ARID4A: variants seen among roughly 807,000 people sequenced by gnomAD.
The protein encoded by ARID4A is AT-rich interactive domain-containing protein 4A.
Under a neutral mutation model 148.6 loss-of-function variants are expected in ARID4A, and 39 were observed. The ratio of observed to expected loss-of-function variants is 0.26; its 90% CI spans 0.20 to 0.34. The LOEUF (loss-of-function observed/expected upper bound fraction) is 0.34, where lower values mean the gene tolerates loss of function less well. Ranked by LOEUF, ARID4A falls within the 10% of genes least tolerant of loss-of-function variation. ARID4A has a pLI of 1.00. For missense variants in ARID4A, 1,265 were observed against 1,449.1 expected, an observed-to-expected ratio of 0.87 and a Z score of 2.06; for synonymous variants, 475 against 481.2, an observed-to-expected ratio of 0.99 and a Z score of 0.17.
chr14:58,347,072 T>G lies in ARID4A; in HGVS notation c.1127T>G (p.Ile376Ser). The change falls in exon 14 of 24, where the codon ATT becomes AGT. Residue 376 changes from isoleucine to serine, a missense_variant. Physicochemically the swap from Ile to Ser is moderately radical, Grantham distance 142 (BLOSUM62 -2). Transcript: ENST00000355431. The part of the protein sequence containing the change: ...KQIYMDLGIP[I>S]LNSAASYNVK... ...ATTTATATGGACCTTGGCATTCCTATTTTGAATTCAGCTGCTTCCTACAAT... is the reference window on the plus strand; with the variant it reads ...ATTTATATGGACCTTGGCATTCCTAGTTTGAATTCAGCTGCTTCCTACAAT... 6.3e-7 allele frequency: 1 copy of G among 1,587,164 alleles called. No individual in the cohort carries two copies. Among genetic ancestry groups the G allele is most frequent in the Non-Finnish European group, 8.6e-7 (1 of 1,166,892 alleles).
intron 20 of ARID4A, 31 bp from the exon 21 acceptor site, chr14:58,365,487 T>TAAAAAA: frequency 7.9e-7 from 1 of 1,266,250 alleles, no homozygotes; most frequent in Non-Finnish European, 1.1e-6. Flanking sequence ...TTTTTTTTTT[T>TAAAAAA]TTCAACATTC....
chr14:58,347,277 C>T (rs145637598), intron 14 of ARID4A, among the ~76,000 whole-genome samples, 160 bp downstream of exon 14: 133 of 152,190 alleles, frequency 8.7e-4, no homozygotes, highest in African/African-American at 3.2e-3. Context: ...GTTATTTCAG[C>T]GCATCTAATC....
In ARID4A at chr14:58,330,584, G is replaced by A. The variant is rs1020697391; in HGVS notation, c.906+415G>A. Among the ~76,000 whole-genome samples, 7 of 152,092 alleles carry A rather than the reference G, an allele frequency of 4.6e-5. No homozygotes were observed. The South Asian group carries it at 1.5e-3, about 32-fold the overall frequency. On this transcript the variant is annotated intron_variant, in intron 11 of 23. Transcript: ENST00000355431. ...AAAGTTAAGTAACTTTCCCAAGCTG[G>A]CACAACTAAAATGGGTAGAAGAGGG...
Position 58,338,398 on chromosome 14 carries a change from A to T in ARID4A, c.907-6297A>T, listed in dbSNP as rs1325106337. Among the ~76,000 whole-genome samples the T allele has an allele frequency of 2.6e-5, 4 of 152,168 alleles. No homozygotes were observed. The East Asian group carries it at 7.7e-4, about 29-fold the overall frequency. On this transcript the variant is annotated intron_variant, in intron 11 of 23. Coordinates refer to ENST00000355431, the MANE Select transcript of ARID4A (RefSeq NM_002892.4). ...CCTTCCCGTGAGTCCTCCAGTCCAG[A>T]CATGTCCTCAGAGCTGCCACTTCTG...
intron 17 of ARID4A, among the ~76,000 whole-genome samples, chr14:58,356,551 T>G (rs997129224): frequency 6.6e-6 from 1 of 152,144 alleles, no homozygotes; most frequent in Admixed American, 6.6e-5. Context: ...TTTTAGAAAC[T>G]AGATACTGGG....
intron 9 of ARID4A, 51 bp from the exon 10 acceptor site, chr14:58,329,477 G>T: frequency 8.2e-7 from 1 of 1,214,394 alleles, no homozygotes; most frequent in South Asian, 1.2e-5. Flanking sequence ...CTATTTAAGT[G>T]ATAATTTTTA....
At chr14:58,311,020 T>C (rs1338136590) in intron 5 of ARID4A, among the ~76,000 whole-genome samples, 6 of 151,934 alleles carry the variant, frequency 3.9e-5, no homozygotes, top group African/African-American at 1.2e-4. Context: ...CCGAGACAGG[T>C]GGTTCACTTG....
At chr14:58,346,979 A>G in intron 13 of ARID4A, 41 bp from the exon 14 acceptor site, 1 of 399,976 alleles carries the variant, frequency 2.5e-6, no homozygotes, top group Non-Finnish European at 4.5e-6. Flanking sequence ...AAAAAGATTA[A>G]TTCCCTTTGC....
intron 4 of ARID4A, among the ~76,000 whole-genome samples, chr14:58,305,698 T>C (rs1430784296): frequency 6.6e-6 from 1 of 152,148 alleles, no homozygotes; most frequent in East Asian, 1.9e-4. Context: ...GAAGGCAATG[T>C]GATATAGTGG....
At chr14:58,327,809 C>G (rs565557483) in intron 8 of ARID4A, among the ~76,000 whole-genome samples, 53 of 152,102 alleles carry the variant, frequency 3.5e-4, no homozygotes, top group Admixed American at 7.9e-4. Flanking sequence ...GTAGCTGGGA[C>G]TATAGGCACA....
chr14:58,316,310 T>G (rs970629193), intron 5 of ARID4A, among the ~76,000 whole-genome samples: 1 of 152,220 alleles, frequency 6.6e-6, no homozygotes, highest in African/African-American at 2.4e-5. Context: ...TATGCTTTCT[T>G]GTTAAGTGAA....
intron 15 of ARID4A, among the ~76,000 whole-genome samples, chr14:58,348,314 G>A (rs1432938812): frequency 2.0e-5 from 3 of 152,116 alleles, no homozygotes; most frequent in Non-Finnish European, 4.4e-5. Flanking sequence ...CACACTCCAC[G>A]AGGTCAGGGA....
chr14:58,370,538 C>G (rs1277832223), intron 23 of ARID4A, among the ~76,000 whole-genome samples: 1 of 152,174 alleles, frequency 6.6e-6, no homozygotes, highest in African/African-American at 2.4e-5. Context: ...CCCAAGTAAT[C>G]TGCCCACCTC....
chr14:58,308,883 A>C (rs2031805666), intron 5 of ARID4A, among the ~76,000 whole-genome samples: 3 of 152,194 alleles, frequency 2.0e-5, no homozygotes, highest in Non-Finnish European at 4.4e-5. Context: ...CAGATTATTA[A>C]AAATAAAACA....
intron 5 of ARID4A, among the ~76,000 whole-genome samples, chr14:58,314,223 A>T (rs114351355): frequency 2.4e-4 from 37 of 152,336 alleles, no homozygotes; most frequent in African/African-American, 7.9e-4. Flanking sequence ...CTGAACTAAA[A>T]AGAAGCTAGA....
Position 58,372,013 on chromosome 14 carries a change from G to T in ARID4A, c.*24G>T. The T allele has an allele frequency of 6.6e-7, 1 of 1,511,278 alleles. No homozygotes were observed. Among genetic ancestry groups the T allele is most frequent in the Non-Finnish European group, 9.2e-7 (1 of 1,089,314 alleles). The allele number at this position is 1,511,278 out of a possible 1,614,324, so 93.6% of individuals were successfully genotyped here. A position where few individuals can be genotyped will look rare whatever the true frequency, so the allele number is the denominator to read the frequency against. Reference sequence around the variant, plus strand: ...GATAAACATTTTCTCTACCTTCCCAGCAGTTTGCTGCCATGGACATAAATC... The same window carrying T: ...GATAAACATTTTCTCTACCTTCCCATCAGTTTGCTGCCATGGACATAAATC... On this transcript the variant is annotated 3_prime_UTR_variant, in exon 24 of 24. Coordinates refer to ENST00000355431, the MANE Select transcript of ARID4A (RefSeq NM_002892.4).
At chr14:58,339,220 T>A (rs1167034058) in intron 11 of ARID4A, among the ~76,000 whole-genome samples, 3 of 151,920 alleles carry the variant, frequency 2.0e-5, no homozygotes, top group Non-Finnish European at 4.4e-5. Flanking sequence ...CAAGTGATCC[T>A]CCTGCCTGGC....
chr14:58,305,235 G>A (rs2031510268), intron 4 of ARID4A, among the ~76,000 whole-genome samples: 1 of 152,072 alleles, frequency 6.6e-6, no homozygotes, highest in African/African-American at 2.4e-5. Flanking sequence ...ATATAAACAT[G>A]TTAAGTTTTT....
rs192773430 is a variant in ARID4A at position 58,373,248 on chromosome 14, T to C, written c.*1259T>C. ...ATGCAACAACTAAGTAAAGCAACTA[T>C]GTATGCTTTGTCTGTGAATTGTTCC... On this transcript the variant is annotated 3_prime_UTR_variant, in exon 24 of 24. Transcript: ENST00000355431. 1 of 197,456 alleles carries C rather than the reference T, an allele frequency of 5.1e-6. No individual in the cohort carries two copies. The highest frequency in any genetic ancestry group is 1.1e-5 in the Non-Finnish European group (1 of 95,054). The allele number at this position is 197,456 out of a possible 1,614,324, so 12.2% of individuals were successfully genotyped here. A position where few individuals can be genotyped will look rare whatever the true frequency, so the allele number is the denominator to read the frequency against.
Sources: gnomAD v4.1 joint callset for allele counts (sites outside exome capture counted in the v4.1 genomes callset) on GRCh38, gnomAD v4.1.1 for gene constraint, MANE v1.5 for transcripts, NCBI Gene and HGNC (gene_info 2026-07-23, HGNC 2026-07-21) for gene names.